ATP2C1: variants seen among roughly 807,000 people sequenced by gnomAD.
ATP2C1 encodes the protein calcium-transporting ATPase type 2C member 1.
In ATP2C1, 31 loss-of-function variants were observed where a neutral mutation model predicts 120.5. The observed-to-expected ratio is 0.26, with a 90% CI of 0.19 to 0.35. The LOEUF is 0.35. Ranked by LOEUF, ATP2C1 falls within the 10% of genes least tolerant of loss-of-function variation. ATP2C1 has a pLI of 1.00. For synonymous variants in ATP2C1, 351 were observed against 358.7 expected, an observed-to-expected ratio of 0.98 and a Z score of 0.24; for missense variants, 731 against 1,107.5, an observed-to-expected ratio of 0.66 and a Z score of 4.83.
chr3:130,931,872 A>C (rs1045005168), intron 3 of ATP2C1, 150 bp from the exon 4 acceptor site: 2 of 631,496 alleles, frequency 3.2e-6, no homozygotes, highest in African/African-American at 3.6e-5. Context: ...TTCTGGTCCC[A>C]GGCAACCACT....
At chr3:131,003,992 A>T (rs1297147125), downstream of ATP2C1, among the ~76,000 whole-genome samples, 1 of 152,194 alleles carries the variant, frequency 6.6e-6, no homozygotes, top group Non-Finnish European at 1.5e-5. Flanking sequence ...TGAACTGGTT[A>T]TCTTTTCATT....
At chr3:130,876,702 G>A (rs1029154556) in intron 1 of ATP2C1, among the ~76,000 whole-genome samples, 2 of 152,022 alleles carry the variant, frequency 1.3e-5, no homozygotes, top group Non-Finnish European at 2.9e-5. Flanking sequence ...TGTAGCTTGA[G>A]TAATATGGTC....
chr3:130,850,993 C>T, intron 1 of ATP2C1: 1 of 898,432 alleles, frequency 1.1e-6, no homozygotes, highest in Non-Finnish European at 1.5e-6. Flanking sequence ...TTTTACGTCG[C>T]TTAGTGATTT....
intron 4 of ATP2C1, among the ~76,000 whole-genome samples, chr3:130,934,178 T>C (rs921806618): frequency 6.6e-6 from 1 of 152,096 alleles, no homozygotes. Flanking sequence ...TTCTGTGATA[T>C]GTGAGTCAAC....
rs151288954 is a variant in ATP2C1, at chr3:130,887,041, G to C, written c.108+36113G>C. Among the ~76,000 whole-genome samples the C allele has an allele frequency of 4.8e-3, 727 of 152,280 alleles. 6 individuals carry two copies. The highest frequency in any genetic ancestry group is 0.017 in the African/African-American group (686 of 41,546). ...TGGTCTAAGCCATAGCTGCGTGAGGGGGCACCTCAAGCCTAGTAAGGTTGT... is the reference window on the plus strand; with the variant it reads ...TGGTCTAAGCCATAGCTGCGTGAGGCGGCACCTCAAGCCTAGTAAGGTTGT... On this transcript the variant is annotated intron_variant, in intron 1 of 26. Coordinates refer to the ATP2C1 transcript ENST00000504381.
chr3:130,934,533 G>A, intron 4 of ATP2C1, 89 bp from the exon 5 acceptor site: 2 of 834,872 alleles, frequency 2.4e-6, no homozygotes, highest in South Asian at 1.5e-5. Flanking sequence ...TTCCAGTCAT[G>A]CTCTTATGGT....
At chr3:130,954,494 G>T (rs960329932) in intron 9 of ATP2C1, among the ~76,000 whole-genome samples, 3 of 151,150 alleles carry the variant, frequency 2.0e-5, no homozygotes, top group African/African-American at 7.3e-5. Flanking sequence ...TCTGCTATAC[G>T]TTTTTTTTTG....
intron 8 of ATP2C1, among the ~76,000 whole-genome samples, chr3:130,953,327 G>A (rs2060448678): frequency 6.6e-6 from 1 of 151,964 alleles, no homozygotes; most frequent in African/African-American, 2.4e-5. Flanking sequence ...GGAATAAACG[G>A]CATGTATAAC....
At chr3:130,921,079 CTTTTTTTT>C (rs1170193033) in intron 2 of ATP2C1, among the ~76,000 whole-genome samples, 1 of 128,562 alleles carries the variant, frequency 7.8e-6, no homozygotes, top group Non-Finnish European at 1.6e-5. Flanking sequence ...AGTTTTCTTT[CTTTTTTTT>C]TTTTTTTTTT....
At chr3:130,883,514 G>T in intron 1 of ATP2C1, among the ~76,000 whole-genome samples, 1 of 150,148 alleles carries the variant, frequency 6.7e-6, no homozygotes, top group South Asian at 2.1e-4. Flanking sequence ...AGGCTGGAGT[G>T]CAGCCTAGCT....
intron 20 of ATP2C1, among the ~76,000 whole-genome samples, chr3:130,986,628 G>A (rs1337779670): frequency 6.6e-6 from 1 of 152,156 alleles, no homozygotes; most frequent in Non-Finnish European, 1.5e-5. Flanking sequence ...GAAGCTCGTT[G>A]AATTGCTTAA....
At chr3:131,014,066 G>A (rs2063454929) in intron 26 of ATP2C1, 7 of 1,580,772 alleles carry the variant, frequency 4.4e-6, no homozygotes, top group Non-Finnish European at 6.0e-6. Context: ...TTTATTCAAT[G>A]TTGGAGGCCT....
intron 8 of ATP2C1, among the ~76,000 whole-genome samples, chr3:130,944,175 A>G (rs1189140304): frequency 6.6e-6 from 1 of 152,212 alleles, no homozygotes; most frequent in African/African-American, 2.4e-5. Context: ...CCACAGTTGC[A>G]ACTTTAGTGT....
At chr3:131,007,524 T>C (rs2063161319), downstream of ATP2C1, among the ~76,000 whole-genome samples, 1 of 152,246 alleles carries the variant, frequency 6.6e-6, no homozygotes. Flanking sequence ...CTCATTGTTA[T>C]GAGCACTCAA....
intron 20 of ATP2C1, among the ~76,000 whole-genome samples, chr3:130,990,771 A>G (rs780687408): frequency 6.6e-6 from 1 of 152,184 alleles, no homozygotes; most frequent in South Asian, 2.1e-4. Flanking sequence ...AATTCTGGAT[A>G]TATTTGTGAG....
chr3:130,888,660 C>T (rs2069060275), intron 1 of ATP2C1, among the ~76,000 whole-genome samples: 1 of 152,220 alleles, frequency 6.6e-6, no homozygotes, highest in East Asian at 1.9e-4. Context: ...CTCTCCCTCC[C>T]CCAAGTGCAT....
intron 2 of ATP2C1, chr3:130,918,567 C>T (rs2058790622): frequency 2.7e-6 from 2 of 737,140 alleles, no homozygotes; most frequent in Non-Finnish European, 5.1e-6. Flanking sequence ...TTAAGTATGC[C>T]AGCGCCCTGG....
chr3:130,894,025 G>T, upstream of ATP2C1: 1 of 986,548 alleles, frequency 1.0e-6, no homozygotes, highest in Non-Finnish European at 1.2e-6. The surrounding 1 kb of genome is among the most constrained non-coding windows in gnomAD (Gnocchi z 4.5). Flanking sequence ...AGGAGTGCGG[G>T]GCGCGACTGG....
chr3:130,877,672 A>C (rs1160921882), intron 1 of ATP2C1, among the ~76,000 whole-genome samples: 1 of 151,998 alleles, frequency 6.6e-6, no homozygotes, highest in Non-Finnish European at 1.5e-5. Context: ...AAACAGGAAC[A>C]CTTTTACACT....
Sources: allele counts gnomAD v4.1 joint callset (sites outside exome capture counted in the v4.1 genomes callset), GRCh38; gene constraint gnomAD v4.1.1; non-coding constraint Gnocchi (gnomAD v3.1); transcripts MANE v1.5; gene names NCBI Gene and HGNC (gene_info 2026-07-23, HGNC 2026-07-21).